The following TTLL4 variants were observed in gnomAD, a reference collection of about 807,000 sequenced individuals.
TTLL4 encodes the protein tubulin monoglutamylase TTLL4.
A neutral mutation model predicts 122.7 loss-of-function variants in TTLL4; 85 were observed. The observed-to-expected ratio is 0.69, with a 90% CI of 0.58 to 0.83. TTLL4 has a LOEUF of 0.83. TTLL4 is among the 40% of genes least tolerant of loss of function. TTLL4 has a pLI of 0.00. For synonymous variants in TTLL4, 553 were observed against 563.0 expected, an observed-to-expected ratio of 0.98 and a Z score of 0.25; for missense variants, 1,363 against 1,488.6, an observed-to-expected ratio of 0.92 and a Z score of 1.39.
chr2:218,737,458 G>A (rs1942556597), intron 2 of TTLL4, 121 bp from the exon 3 acceptor site: 2 of 494,048 alleles, frequency 4.0e-6, no homozygotes, highest in Non-Finnish European at 3.5e-6. Context: ...CCCAAATGAC[G>A]ACCAAGACTG....
At chr2:218,724,968 T>C (rs1942144844) in intron 1 of TTLL4, among the ~76,000 whole-genome samples, 1 of 152,124 alleles carries the variant, frequency 6.6e-6, no homozygotes. Flanking sequence ...GGCGTGATCA[T>C]GGCTCACTGC....
intron 14 of TTLL4, among the ~76,000 whole-genome samples, chr2:218,749,759 G>C (rs1313493392): frequency 6.6e-6 from 1 of 152,034 alleles, no homozygotes; most frequent in African/African-American, 2.4e-5. Context: ...GAGCCACCAC[G>C]CCCAGCCAGT....
At chr2:218,721,315 C>A (rs965866115) in intron 1 of TTLL4, among the ~76,000 whole-genome samples, 2 of 152,262 alleles carry the variant, frequency 1.3e-5, no homozygotes, top group South Asian at 4.1e-4. Context: ...TGGGCTCAAG[C>A]GATTCGCCCC....
chr2:218,739,494 T>C (rs1942639595), intron 3 of TTLL4, among the ~76,000 whole-genome samples: 2 of 152,204 alleles, frequency 1.3e-5, no homozygotes, highest in Admixed American at 1.3e-4. Flanking sequence ...TCTGGTCCTT[T>C]AGAGAAAGAG....
intron 16 of TTLL4, among the ~76,000 whole-genome samples, chr2:218,752,067 C>A (rs1943035869): frequency 6.6e-6 from 1 of 152,000 alleles, no homozygotes; most frequent in African/African-American, 2.4e-5. Context: ...ACCACCATAC[C>A]CAGCTAATTT....
At position 218,729,008 on chromosome 2, in the gene TTLL4, C is replaced by T. The variant is rs79926987; in HGVS notation, c.-99+1661C>T. 8.3e-4 allele frequency among the ~76,000 whole-genome samples: 124 copies of T among 148,874 alleles called. 3 individuals carry two copies. The East Asian group carries it at 0.023, about 27-fold the overall frequency. ...AATGCAATGGCATGATCTCGGCTCA[C>T]TGTAGCCTCCACCTCCCAGGTTCAA... On this transcript the variant is annotated intron_variant, in intron 2 of 19. Coordinates refer to ENST00000392102, the MANE Select transcript of TTLL4 (RefSeq NM_014640.5).
intron 1 of TTLL4, among the ~76,000 whole-genome samples, chr2:218,716,327 A>G (rs1041863912): frequency 1.3e-5 from 2 of 152,226 alleles, no homozygotes; most frequent in Non-Finnish European, 2.9e-5. Flanking sequence ...TCAAGTAAAC[A>G]TGGCGTTCCA....
Position 218,752,923 on chromosome 2 carries a change from A to G in TTLL4, c.3137A>G (p.Asn1046Ser). 1 of 1,614,150 alleles carries G rather than the reference A, an allele frequency of 6.2e-7. No individual in the cohort carries two copies. Among genetic ancestry groups the G allele is most frequent in the South Asian group, 1.1e-5 (1 of 91,078 alleles). ...LRFFEQPRYF[N>S]ILTTQWEQKY... ...TTTTTTGAGCAGCCACGATATTTCA[A>G]CATTCTCACCACCCAATGGGAACAG... Residue 1046 changes from asparagine (N) to serine (S), a missense_variant, in exon 17 of 20, where the codon AAC (asparagine) becomes AGC (serine). Around this residue, in one of 3 missense-constraint regions of TTLL4, gnomAD observed 596 missense variants for 655.8 expected, o/e 0.91. Coordinates refer to ENST00000392102, the MANE Select transcript of TTLL4 (RefSeq NM_014640.5).
At chr2:218,728,675 TGGGAAGGCTGACTAGG>T (rs1202210813) in intron 2 of TTLL4, among the ~76,000 whole-genome samples, 1 of 152,122 alleles carries the variant, frequency 6.6e-6, no homozygotes, top group Non-Finnish European at 1.5e-5. Flanking sequence ...CCTGGCAATG[TGGGAAGGCTGACTAGG>T]GATTTGTGCC....
rs913930183 is a variant in TTLL4, at chr2:218,740,361, G to A, written c.1598-160G>A. On this transcript the variant is annotated intron_variant, in intron 4 of 19. Transcript: ENST00000392102. Reference sequence around the variant, plus strand: ...CCTGTCCCACTGGTCTTACCTTCCCGCTGCTTCTGTTGAGGAAGGCAGTGC... The same window carrying A: ...CCTGTCCCACTGGTCTTACCTTCCCACTGCTTCTGTTGAGGAAGGCAGTGC... 2.0e-5 allele frequency among the ~76,000 whole-genome samples: 3 copies of A among 152,244 alleles called. No homozygotes were observed. The South Asian group carries it at 6.2e-4, about 32-fold the overall frequency.
chr2:218,752,316 T>C (rs1260858392), intron 16 of TTLL4, among the ~76,000 whole-genome samples: 1 of 152,356 alleles, frequency 6.6e-6, no homozygotes, highest in East Asian at 1.9e-4. Flanking sequence ...TAATTGTCTT[T>C]ACCATGTTTT....
rs759013360 is a variant in TTLL4, at chr2:218,737,757, A to G, written c.81A>G (p.Thr27=). The G allele has an allele frequency of 1.2e-5, 19 of 1,613,906 alleles. No individual in the cohort carries two copies. The Admixed American group carries it at 2.7e-4, about 23-fold the overall frequency. Residue 27 remains threonine (T), a synonymous_variant, in exon 3 of 20, where the codon ACA becomes ACG. Coordinates refer to ENST00000392102, the MANE Select transcript of TTLL4 (RefSeq NM_014640.5). Reference sequence around the variant, plus strand: ...TCAAGCAGAGTGGTCCCTCAGGCACAGTACCTGCCACGCCACCTGAGAAAC... The same window carrying G: ...TCAAGCAGAGTGGTCCCTCAGGCACGGTACCTGCCACGCCACCTGAGAAAC... ...NSFKQSGPSG[T]VPATPPEKPS... is the part of the protein sequence containing the mutation.
chr2:218,743,860 G>T (rs1234122707), intron 5 of TTLL4, among the ~76,000 whole-genome samples: 1 of 152,088 alleles, frequency 6.6e-6, no homozygotes, highest in African/African-American at 2.4e-5. Flanking sequence ...TGTATTTTTA[G>T]TAGAGACGGG....
intron 1 of TTLL4, among the ~76,000 whole-genome samples, chr2:218,717,089 C>T (rs1180251566): frequency 6.6e-6 from 1 of 151,914 alleles, no homozygotes; most frequent in African/African-American, 2.4e-5. Context: ...TCAGGTGATC[C>T]TCCTACCACA....
chr2:218,759,181 G>T (rs1445458747), downstream of TTLL4, among the ~76,000 whole-genome samples: 1 of 152,144 alleles, frequency 6.6e-6, no homozygotes. Context: ...GAGGCAGAAG[G>T]TTGCGGTGAG....
intron 19 of TTLL4, 48 bp downstream of exon 19, chr2:218,753,717 G>A (rs767566169): frequency 3.1e-6 from 5 of 1,595,302 alleles, no homozygotes; most frequent in Non-Finnish European, 3.4e-6. Context: ...TGAGTTTGTA[G>A]AGTTTTCTTC....
At chr2:218,730,355 A>AAAAAAAAT (rs1205364896) in intron 2 of TTLL4, among the ~76,000 whole-genome samples, 2 of 143,970 alleles carry the variant, frequency 1.4e-5, no homozygotes, top group African/African-American at 5.2e-5. Flanking sequence ...AAAAAGAAAA[A>AAAAAAAAT]AAATTAGCTG....
At chr2:218,734,358 G>A (rs181108554) in intron 2 of TTLL4, among the ~76,000 whole-genome samples, 3 of 152,218 alleles carry the variant, frequency 2.0e-5, no homozygotes, top group African/African-American at 7.2e-5. Flanking sequence ...ACAGAATATT[G>A]AGCACTTCCT....
chr2:218,712,388 CTTTTT>C (rs55690203), intron 1 of TTLL4, among the ~76,000 whole-genome samples: 2 of 141,676 alleles, frequency 1.4e-5, no homozygotes, highest in African/African-American at 5.2e-5. Flanking sequence ...TCCCAGTGAA[CTTTTT>C]TTTTTTTTTT....
Sources: allele counts gnomAD v4.1 joint callset (sites outside exome capture counted in the v4.1 genomes callset), GRCh38; gene constraint gnomAD v4.1.1; regional missense constraint gnomAD v4.1.1; transcripts MANE v1.5; gene names NCBI Gene and HGNC (gene_info 2026-07-23, HGNC 2026-07-21).